Variants in ATXN3 observed in about 807,000 individuals in gnomAD.
The protein encoded by ATXN3 is ataxin-3.
A neutral mutation model predicts 58.2 loss-of-function variants in ATXN3; 28 were observed. The observed-to-expected ratio is 0.48, with a 90% CI of 0.36 to 0.66. The LOEUF (loss-of-function observed/expected upper bound fraction) is 0.66, where lower values mean the gene tolerates loss of function less well. Among genes scored for constraint, ATXN3 ranks in the 30% least tolerant of loss-of-function variants. ATXN3 has a pLI of 0.00. For synonymous variants in ATXN3, 113 were observed against 138.5 expected (o/e 0.82, Z 1.29); for missense variants, 321 against 422.1 (o/e 0.76, Z 2.10).
chr14:92,045,808 T>C (rs2057424929), intron 2 of ATXN3, among the ~76,000 whole-genome samples: 2 of 152,084 alleles, frequency 1.3e-5, no homozygotes, highest in Non-Finnish European at 2.9e-5. Flanking sequence ...GAGAAGAGAT[T>C]GATAGGTGGA....
intron 10 of ATXN3, chr14:92,070,712 C>CT (rs1212499633): frequency 1.6e-6 from 2 of 1,228,786 alleles, no homozygotes; most frequent in African/African-American, 3.2e-5. Flanking sequence ...TCCCAAAGTG[C>CT]TGGGATTACA....
At chr14:92,084,261 G>A (rs191145357) in intron 6 of ATXN3, among the ~76,000 whole-genome samples, 3 of 152,260 alleles carry the variant, frequency 2.0e-5, no homozygotes, top group Admixed American at 2.0e-4. Flanking sequence ...CTGCTGTGAG[G>A]ACACAGATAA....
intron 9 of ATXN3, 61 bp from the exon 10 acceptor site, chr14:92,071,114 T>C (rs1453852943): frequency 4.6e-6 from 7 of 1,531,492 alleles, no homozygotes; most frequent in African/African-American, 2.8e-5. Context: ...AAATACACCA[T>C]GAGAAAAACT....
At chr14:92,080,921 G>A in intron 9 of ATXN3, 44 bp downstream of exon 9, 2 of 1,420,532 alleles carry the variant, frequency 1.4e-6, no homozygotes, top group Non-Finnish European at 2.0e-6. Flanking sequence ...AATAGCCAAA[G>A]CAAATATTAA....
intron 5 of ATXN3, among the ~76,000 whole-genome samples, chr14:92,089,976 C>T (rs1489839377): frequency 6.6e-6 from 1 of 152,090 alleles, no homozygotes; most frequent in Non-Finnish European, 1.5e-5. Context: ...GCCTATAATC[C>T]GAGCACTTTG....
At position 92,061,664 on chromosome 14, in the gene ATXN3, T is replaced by G. The variant is rs2057786514; in HGVS notation, c.*2656A>C. On this transcript the variant is annotated 3_prime_UTR_variant, in exon 11 of 11. Coordinates refer to ENST00000644486, the MANE Select transcript of ATXN3 (RefSeq NM_004993.6). ...TCTTAGCAGGACAGTTCTTGTGAATTTAGTTGTTCCTGACTTTCTTGCAGG... is the reference window on the plus strand; with the variant it reads ...TCTTAGCAGGACAGTTCTTGTGAATGTAGTTGTTCCTGACTTTCTTGCAGG... 6.6e-6 allele frequency: 1 copy of G among 152,214 alleles called. No individual in the cohort carries two copies. The highest frequency in any genetic ancestry group is 2.4e-5 in the African/African-American group (1 of 41,446). 9.4% of individuals were successfully genotyped at this position (152,214 alleles called of 1,614,324 possible).
At chr14:92,093,196 G>T in intron 5 of ATXN3, 56 bp downstream of exon 5, 3 of 1,242,318 alleles carry the variant, frequency 2.4e-6, no homozygotes, top group African/African-American at 1.5e-5. Context: ...CCACATTTTA[G>T]TTTTAAATGG....
In ATXN3 at chr14:92,082,345, C is replaced by A; in HGVS notation, c.730G>T (p.Asp244Tyr). ...ALSRQEIDMEDEEADLRRAIQ... is the reference protein window; with the variant it reads ...ALSRQEIDMEYEEADLRRAIQ... The stretch of plus-strand genomic sequence containing the variant: ...GCCCTGCGGAGATCTGCTTCCTCAT[C>A]TTCCATGTCAATTTCTTGGCGACTT... Residue 244 changes from aspartate to tyrosine, a missense_variant, in exon 8 of 11, where the codon GAT becomes TAT. By Grantham distance (160) the Asp-to-Tyr change is radical. Coordinates refer to ENST00000644486, the MANE Select transcript of ATXN3 (RefSeq NM_004993.6). 6.2e-7 allele frequency: 1 copy of A among 1,614,160 alleles called. No homozygotes were observed. The highest frequency in any genetic ancestry group is 1.7e-5 in the Admixed American group (1 of 60,020).
chr14:92,105,720 A>T (rs1025356768), intron 1 of ATXN3, among the ~76,000 whole-genome samples: 1 of 152,218 alleles, frequency 6.6e-6, no homozygotes, highest in Non-Finnish European at 1.5e-5. Context: ...GTTTCTTTAC[A>T]TATCACAAAC....
At chr14:92,057,596 G>C (rs1288458271), downstream of ATXN3, among the ~76,000 whole-genome samples, 1 of 151,966 alleles carries the variant, frequency 6.6e-6, no homozygotes, top group Non-Finnish European at 1.5e-5. Flanking sequence ...CCTCTCTTGG[G>C]GTCTGGATCG....
intron 1 of ATXN3, among the ~76,000 whole-genome samples, chr14:92,099,319 G>C (rs2066155628): frequency 6.6e-6 from 1 of 152,150 alleles, no homozygotes; most frequent in Non-Finnish European, 1.5e-5. Flanking sequence ...AAAAAAATAT[G>C]GGTTATATGT....
chr14:92,096,959 G>C (rs772002441), intron 1 of ATXN3, 121 bp from the exon 2 acceptor site: 366 of 825,584 alleles, frequency 4.4e-4, no homozygotes, highest in Non-Finnish European at 6.4e-4. Context: ...CCAGGCCGGA[G>C]TGCAGTGGCG....
chr14:92,050,444 C>A (rs1008090905), upstream of ATXN3: 5 of 152,350 alleles, frequency 3.3e-5, no homozygotes, highest in African/African-American at 1.2e-4. Context: ...CAAAACCAAC[C>A]CAGCACAATC....
At chr14:92,101,959 C>T (rs1254087515) in intron 1 of ATXN3, among the ~76,000 whole-genome samples, 1 of 152,052 alleles carries the variant, frequency 6.6e-6, no homozygotes, top group East Asian at 1.9e-4. Flanking sequence ...TCAAGACCAT[C>T]CTGGCCAACA....
chr14:92,106,398 G>T, intron 1 of ATXN3, 131 bp downstream of exon 1: 1 of 1,173,360 alleles, frequency 8.5e-7, no homozygotes, highest in Non-Finnish European at 1.2e-6. Flanking sequence ...AGGCTGCGGC[G>T]TCGCCCCTCG....
intron 1 of ATXN3, among the ~76,000 whole-genome samples, chr14:92,101,880 C>T (rs1048981897): frequency 6.6e-6 from 1 of 150,622 alleles, no homozygotes; most frequent in Admixed American, 6.6e-5. Flanking sequence ...ATAGGCTGGG[C>T]GTGGTAGCTC....
At chr14:92,082,178 A>G (rs1273949038) in intron 8 of ATXN3, 122 bp downstream of exon 8, 2 of 1,082,928 alleles carry the variant, frequency 1.8e-6, no homozygotes, top group Non-Finnish European at 2.6e-6. Context: ...CCCACTATAT[A>G]GCTATTGCTT....
chr14:92,083,579 G>A, intron 6 of ATXN3: 1 of 427,286 alleles, frequency 2.3e-6, no homozygotes, highest in Non-Finnish European at 4.5e-6. Context: ...ACTTACTGTT[G>A]TCAGAGTGGG....
intron 1 of ATXN3, among the ~76,000 whole-genome samples, chr14:92,099,311 A>G (rs2066151784): frequency 6.6e-6 from 1 of 152,240 alleles, no homozygotes; most frequent in Admixed American, 6.5e-5. Context: ...AGCTGGTGAA[A>G]AAAATATGGG....
Sources: allele counts gnomAD v4.1 joint callset (sites outside exome capture counted in the v4.1 genomes callset), GRCh38; gene constraint gnomAD v4.1.1; transcripts MANE v1.5; gene names NCBI Gene and HGNC (gene_info 2026-07-23, HGNC 2026-07-21).